AKAP13: variants seen among roughly 807,000 people sequenced by gnomAD.
The protein encoded by AKAP13 is A-kinase anchor protein 13.
Under a neutral mutation model 264.5 loss-of-function variants are expected in AKAP13, and 80 were observed. The observed-to-expected ratio is 0.30, with a 90% CI of 0.25 to 0.36. AKAP13 has a LOEUF of 0.36. Among genes scored for constraint, AKAP13 ranks in the 10% least tolerant of loss-of-function variants. The probability of loss-of-function intolerance (pLI) is 1.00; values close to 1 mark genes in which losing one functional copy is unlikely to be tolerated. For missense variants in AKAP13, 3,712 were observed against 3,435.2 expected, an observed-to-expected ratio of 1.08 and a Z score of -2.01; for synonymous variants, 1,380 against 1,250.2, an observed-to-expected ratio of 1.10 and a Z score of -2.19.
At position 85,572,709 on chromosome 15, in the gene AKAP13, G is replaced by A. The variant is rs1343128470; in HGVS notation, c.663-2422G>A. Among the ~76,000 whole-genome samples the A allele has an allele frequency of 2.0e-5, 3 of 152,008 alleles. No homozygotes were observed. In the East Asian group the frequency reaches 5.8e-4, roughly 29 times the overall value. On this transcript the variant is annotated intron_variant, in intron 5 of 36. Coordinates refer to ENST00000394518, the MANE Select transcript of AKAP13 (RefSeq NM_007200.5). ...TTACACTGTAAGTTCTGGGATGCATGTGTAGAACGTGCAGGTTTATTACAT... is the reference window on the plus strand; with the variant it reads ...TTACACTGTAAGTTCTGGGATGCATATGTAGAACGTGCAGGTTTATTACAT...
At chr15:85,470,129 A>G (rs1567073602) in intron 1 of AKAP13, among the ~76,000 whole-genome samples, 1 of 152,154 alleles carries the variant, frequency 6.6e-6, no homozygotes, top group African/African-American at 2.4e-5. Context: ...CTCTACAAAA[A>G]ATACAAAAAA....
intron 8 of AKAP13, among the ~76,000 whole-genome samples, chr15:85,589,554 G>A (rs967363831): frequency 5.3e-5 from 8 of 150,446 alleles, no homozygotes; most frequent in South Asian, 2.1e-4. Flanking sequence ...TCAGGAGTTC[G>A]TGACCAGCCT....
chr15:85,741,564 G>T, intron 35 of AKAP13, 69 bp downstream of exon 35: 1 of 1,486,806 alleles, frequency 6.7e-7, no homozygotes, highest in South Asian at 1.4e-5. Context: ...TATTAAGCAA[G>T]GTAAGAAAGT....
At chr15:85,548,402 A>C (rs1205815586) in intron 5 of AKAP13, among the ~76,000 whole-genome samples, 1 of 152,158 alleles carries the variant, frequency 6.6e-6, no homozygotes, top group African/African-American at 2.4e-5. Context: ...AAGGTGCATA[A>C]ATATTTCTTC....
At position 85,581,851 on chromosome 15, in the gene AKAP13, AC is replaced by A. The variant is rs2079146953; in HGVS notation, c.3784del (p.Gln1262LysfsTer31). ...ASRIVDAVIE[Q>X]VKAAGALLTE... The stretch of plus-strand genomic sequence containing the variant: ...GCCGTATAGTGGATGCTGTCATCGA[AC>A]AAGTCAAGGCCGCTGGAGCACTGCT... On this transcript the variant is annotated frameshift_variant, in exon 7 of 37. Transcript: ENST00000394518. LOFTEE classifies it high-confidence loss of function. 1.9e-6 allele frequency: 3 copies of A among 1,614,234 alleles called. No homozygotes were observed. Among genetic ancestry groups the A allele is most frequent in the Non-Finnish European group, 1.7e-6 (2 of 1,180,024 alleles).
chr15:85,552,817 G>A (rs1406901769), intron 5 of AKAP13, among the ~76,000 whole-genome samples: 5 of 151,570 alleles, frequency 3.3e-5, no homozygotes, highest in East Asian at 3.9e-4. Flanking sequence ...TTTTTTCACC[G>A]TGTTAGCCAG....
intron 1 of AKAP13, among the ~76,000 whole-genome samples, chr15:85,468,011 A>G (rs1297928622): frequency 6.6e-6 from 1 of 152,206 alleles, no homozygotes; most frequent in African/African-American, 2.4e-5. Flanking sequence ...TTTTTGTCTC[A>G]ATAATGTGAA....
At chr15:85,677,074 A>G (rs956561433) in intron 14 of AKAP13, 1 of 985,148 alleles carries the variant, frequency 1.0e-6, no homozygotes, top group African/African-American at 1.7e-5. Flanking sequence ...TTCTTATTCG[A>G]GTGATGAGGA....
At chr15:85,630,198 CACACACACACATCAT>C (rs147061226) in intron 8 of AKAP13, among the ~76,000 whole-genome samples, 15,326 of 88,004 alleles carry the variant, frequency 0.17, 1,565 homozygotes, top group African/African-American at 0.34. Context: ...CACACACACA[CACACACACACATCAT>C]GAACTAAGAT....
chr15:85,416,336 A>G (rs1016084276), intron 1 of AKAP13, among the ~76,000 whole-genome samples: 2 of 152,208 alleles, frequency 1.3e-5, no homozygotes, highest in Non-Finnish European at 2.9e-5. Context: ...CAGCTTGAGT[A>G]ACATTTTGTT....
At chr15:85,448,808 G>C (rs1279217149) in intron 1 of AKAP13, among the ~76,000 whole-genome samples, 1 of 144,652 alleles carries the variant, frequency 6.9e-6, no homozygotes, top group Non-Finnish European at 1.5e-5. Context: ...GATTCTTCCA[G>C]CTTTGTTCTT....
intron 1 of AKAP13, among the ~76,000 whole-genome samples, chr15:85,471,339 C>CA (rs1244704560): frequency 6.6e-6 from 1 of 151,892 alleles, no homozygotes; most frequent in African/African-American, 2.4e-5. Flanking sequence ...ACTAAAAATA[C>CA]AAAAAATTAG....
Position 85,699,635 on chromosome 15 carries a change from T to C in AKAP13, c.5464+6184T>C, listed in dbSNP as rs149448771. Among the ~76,000 whole-genome samples the C allele has an allele frequency of 6.8e-3, 1,032 of 152,314 alleles. 5 individuals carry two copies. Among genetic ancestry groups the C allele is most frequent in the Non-Finnish European group, 0.011 (743 of 68,024 alleles). On this transcript the variant is annotated intron_variant, in intron 17 of 36. Transcript: ENST00000394518. ...ATGTCTAAAAACAAAATGTAAATAT[T>C]GGACCACTGATAGTTTCAAAGGTTT...
At chr15:85,656,519 T>C (rs2151521548) in intron 11 of AKAP13, among the ~76,000 whole-genome samples, 1 of 152,196 alleles carries the variant, frequency 6.6e-6, no homozygotes, top group African/African-American at 2.4e-5. Flanking sequence ...CAATCTCGGC[T>C]CCCTGCAAGC....
At position 85,533,993 on chromosome 15, in the gene AKAP13, G is replaced by A. The variant is rs533539399; in HGVS notation, c.478+113G>A. 4.0e-4 allele frequency: 465 copies of A among 1,164,724 alleles called. 3 individuals are homozygous for A. In the Middle Eastern group the frequency reaches 7.9e-3, roughly 20 times the overall value. The allele number at this position is 1,164,724 out of a possible 1,614,324, so 72.1% of individuals were successfully genotyped here. A position where few individuals can be genotyped will look rare whatever the true frequency, so the allele number is the denominator to read the frequency against. The stretch of plus-strand genomic sequence containing the variant: ...TATTCAGGTCTTCCACAGAGGCTGC[G>A]TAAATCTTAGAATTACTGTAGGAAA... On this transcript the variant is annotated intron_variant, in intron 4 of 36. Transcript: ENST00000394518.
At chr15:85,387,180 A>G (rs1274519933) in intron 1 of AKAP13, among the ~76,000 whole-genome samples, 1 of 152,004 alleles carries the variant, frequency 6.6e-6, no homozygotes, top group East Asian at 1.9e-4. Context: ...ACTAAAAAAT[A>G]CAAAAAATAG....
At chr15:85,625,626 T>C (rs1036248613) in intron 8 of AKAP13, among the ~76,000 whole-genome samples, 2 of 152,068 alleles carry the variant, frequency 1.3e-5, no homozygotes, top group East Asian at 1.9e-4. Context: ...CTTTGGGAGA[T>C]TGAGACAAGA....
rs752005946 is a variant in AKAP13 at position 85,744,991 on chromosome 15, C to G, written c.*314C>G. 2 of 266,942 alleles carry G rather than the reference C, an allele frequency of 7.5e-6. No homozygotes were observed. The highest frequency in any genetic ancestry group is 1.4e-5 in the Non-Finnish European group (2 of 140,656). 16.5% of individuals were successfully genotyped at this position (266,942 alleles called of 1,614,324 possible). ...GATGGTTTTGGACACGTCAGGAATT[C>G]CTAAAGGCTGAAAGAGTGTATCCAA... On this transcript the variant is annotated 3_prime_UTR_variant, in exon 37 of 37. Transcript: ENST00000394518.
rs748815550 is a variant in AKAP13 at position 85,743,557 on chromosome 15, C to G, written c.8124C>G (p.Pro2708=). The change falls in exon 36 of 37, where the codon CCC becomes CCG. Residue 2708 remains proline, a synonymous_variant. Coordinates refer to ENST00000394518, the MANE Select transcript of AKAP13 (RefSeq NM_007200.5). ...TCTTCCCCAGTCCTGAGGAGCCCCC[C>G]TCGCCATCTGCACCTTCCATAGCCA... ...PSFFPSPEEP[P]SPSAPSIAKS... is the part of the protein sequence containing the mutation. 6.2e-7 allele frequency: 1 copy of G among 1,614,068 alleles called. No homozygotes were observed. Among genetic ancestry groups the G allele is most frequent in the African/African-American group, 1.3e-5 (1 of 74,916 alleles).
Sources: allele counts gnomAD v4.1 joint callset (sites outside exome capture counted in the v4.1 genomes callset), GRCh38; gene constraint gnomAD v4.1.1; transcripts MANE v1.5; gene names NCBI Gene and HGNC (gene_info 2026-07-23, HGNC 2026-07-21).